The following ZFYVE9 variants were observed in gnomAD, a reference collection of about 807,000 sequenced individuals.
The protein encoded by ZFYVE9 is zinc finger FYVE domain-containing protein 9.
In ZFYVE9, 43 loss-of-function variants were observed where a neutral mutation model predicts 126.7. The ratio of observed to expected loss-of-function variants is 0.34; its 90% CI spans 0.27 to 0.44. The LOEUF (loss-of-function observed/expected upper bound fraction) is 0.44, where lower values mean the gene tolerates loss of function less well. Ranked by LOEUF, ZFYVE9 falls within the 20% of genes least tolerant of loss-of-function variation. The pLI, the probability that ZFYVE9 is intolerant of heterozygous loss-of-function variation, is 1.00. For synonymous variants in ZFYVE9, 521 were observed against 597.4 expected, an observed-to-expected ratio of 0.87 and a Z score of 1.87; for missense variants, 1,476 against 1,697.0, an observed-to-expected ratio of 0.87 and a Z score of 2.29.
intron 1 of ZFYVE9, among the ~76,000 whole-genome samples, chr1:52,206,938 T>C (rs1644983981): frequency 6.6e-6 from 1 of 152,228 alleles, no homozygotes; most frequent in Non-Finnish European, 1.5e-5. Flanking sequence ...TTGATAAGTC[T>C]CATTATGTGT....
chr1:52,286,046 C>G (rs1645855573), intron 10 of ZFYVE9, among the ~76,000 whole-genome samples: 1 of 151,824 alleles, frequency 6.6e-6, no homozygotes, highest in South Asian at 2.1e-4. Flanking sequence ...ATCCCAGCTA[C>G]TTGGGAGGCT....
At chr1:52,163,733 T>A (rs558442072) in intron 1 of ZFYVE9, among the ~76,000 whole-genome samples, 7 of 151,914 alleles carry the variant, frequency 4.6e-5, no homozygotes, top group African/African-American at 1.7e-4. Context: ...ACATCTGTAA[T>A]CCCAGGACTT....
chr1:52,162,075 C>A (rs536881928), intron 1 of ZFYVE9: 8 of 141,252 alleles, frequency 5.7e-5, no homozygotes, highest in African/African-American at 1.1e-4. Context: ...TTCTTAAAGA[C>A]TAGGAAGAAT....
intron 1 of ZFYVE9, among the ~76,000 whole-genome samples, chr1:52,173,485 C>T (rs754797723): frequency 8.6e-5 from 13 of 152,032 alleles, no homozygotes; most frequent in South Asian, 2.1e-4. Flanking sequence ...TGTCTCTGCC[C>T]GGCTTTGGTA....
intron 13 of ZFYVE9, among the ~76,000 whole-genome samples, chr1:52,307,742 CTTTTTTCTTCTTTTTT>C (rs1646098111): frequency 6.7e-6 from 1 of 149,056 alleles, no homozygotes. Context: ...ACTGAATTTT[CTTTTTTCTTCTTTTTT>C]TTTTTTTTTC....
intron 1 of ZFYVE9, among the ~76,000 whole-genome samples, chr1:52,151,395 T>G (rs1644355153): frequency 6.6e-6 from 1 of 152,176 alleles, no homozygotes; most frequent in Non-Finnish European, 1.5e-5. Context: ...TTCCTAAGCT[T>G]AAGCCCACAT....
intron 4 of ZFYVE9, among the ~76,000 whole-genome samples, chr1:52,244,914 T>TG (rs1401081975): frequency 1.3e-5 from 2 of 152,248 alleles, no homozygotes; most frequent in East Asian, 3.9e-4. Flanking sequence ...TCTCAGCACT[T>TG]TGGGAGGCTG....
intron 13 of ZFYVE9, among the ~76,000 whole-genome samples, chr1:52,321,265 T>C (rs2147859174): frequency 6.6e-6 from 1 of 152,338 alleles, no homozygotes; most frequent in South Asian, 2.1e-4. Context: ...TTTGTAGCAC[T>C]GGCGAGAACA....
rs200561207 is a variant in ZFYVE9, at chr1:52,198,123, TG to T, written c.-142-18245del. ...TAATATTGTAGTGTTTTTTTTTGTTTGTTTTTTTTTTTTTTTGAGATGGAGT... is the reference window on the plus strand; with the variant it reads ...TAATATTGTAGTGTTTTTTTTTGTTTTTTTTTTTTTTTTTTGAGATGGAGT... On this transcript the variant is annotated intron_variant, in intron 1 of 18. Transcript: ENST00000287727. 7.5e-5 allele frequency among the ~76,000 whole-genome samples: 9 copies of T among 119,622 alleles called. 2 individuals carry two copies. The highest frequency in any genetic ancestry group is 1.7e-4 in the African/African-American group (5 of 29,070). The allele number at this position is 119,622 out of a possible 152,430, so 78.5% of individuals were successfully genotyped here.
chr1:52,320,592 G>T (rs998542263), intron 13 of ZFYVE9, among the ~76,000 whole-genome samples: 16 of 152,208 alleles, frequency 1.1e-4, no homozygotes, highest in African/African-American at 3.6e-4. Context: ...AAAAGAAGAT[G>T]AACCTCAACC....
chr1:52,200,720 G>A (rs982496651), intron 1 of ZFYVE9, among the ~76,000 whole-genome samples: 7 of 152,096 alleles, frequency 4.6e-5, no homozygotes, highest in African/African-American at 1.7e-4. Flanking sequence ...TTTTTTATAT[G>A]TTGGATGTCT....
intron 1 of ZFYVE9, among the ~76,000 whole-genome samples, chr1:52,171,487 T>A (rs12075059): frequency 0.046 from 6,982 of 152,268 alleles, 415 homozygotes; most frequent in African/African-American, 0.14. Context: ...TACAGCAGCA[T>A]GATTTATAGT....
intron 1 of ZFYVE9, among the ~76,000 whole-genome samples, chr1:52,143,087 A>G (rs972546675): frequency 7.2e-5 from 11 of 152,184 alleles, no homozygotes; most frequent in African/African-American, 2.7e-4. Context: ...TAAGTTTTGT[A>G]GATAAACACT....
chr1:52,289,293 A>C (rs1645894957), intron 10 of ZFYVE9, among the ~76,000 whole-genome samples: 2 of 152,058 alleles, frequency 1.3e-5, no homozygotes, highest in Admixed American at 1.3e-4. Flanking sequence ...GAGTTACTTC[A>C]CCTCTACCTC....
chr1:52,172,384 T>G (rs1644581741), intron 1 of ZFYVE9, among the ~76,000 whole-genome samples: 1 of 152,220 alleles, frequency 6.6e-6, no homozygotes, highest in Non-Finnish European at 1.5e-5. Flanking sequence ...ACCAGTACCA[T>G]GCTGTTTTGG....
At chr1:52,310,947 T>C (rs1299585418) in intron 13 of ZFYVE9, among the ~76,000 whole-genome samples, 1 of 152,204 alleles carries the variant, frequency 6.6e-6, no homozygotes, top group Admixed American at 6.5e-5. Flanking sequence ...CGTAGCTCAC[T>C]GGTAGCCTCC....
At chr1:52,326,074 T>G (rs536341139) in intron 13 of ZFYVE9, among the ~76,000 whole-genome samples, 195 of 152,392 alleles carry the variant, frequency 1.3e-3, no homozygotes, top group Non-Finnish European at 2.3e-3. Flanking sequence ...ATAATGCTCC[T>G]GTAGCATTTA....
At chr1:52,183,513 G>A (rs184664660) in intron 1 of ZFYVE9, among the ~76,000 whole-genome samples, 6 of 152,220 alleles carry the variant, frequency 3.9e-5, no homozygotes, top group Non-Finnish European at 7.4e-5. Context: ...GTATTTATTT[G>A]TTTGTTTTTG....
At chr1:52,152,385 T>G (rs912412673) in intron 1 of ZFYVE9, among the ~76,000 whole-genome samples, 1 of 152,212 alleles carries the variant, frequency 6.6e-6, no homozygotes, top group Non-Finnish European at 1.5e-5. Context: ...TTTTACCTGT[T>G]TTTTAAAGTC....
Sources: gnomAD v4.1 joint callset for allele counts (sites outside exome capture counted in the v4.1 genomes callset) on GRCh38, gnomAD v4.1.1 for gene constraint, MANE v1.5 for transcripts, NCBI Gene and HGNC (gene_info 2026-07-23, HGNC 2026-07-21) for gene names.